The following ATXN2 variants were observed in gnomAD, a reference collection of about 807,000 sequenced individuals.
ATXN2 encodes the protein ataxin-2.
In ATXN2, 37 loss-of-function variants were observed where a neutral mutation model predicts 138.6. The observed-to-expected ratio is 0.27, with a 90% CI of 0.21 to 0.35. The LOEUF (loss-of-function observed/expected upper bound fraction) is 0.35, where lower values mean the gene tolerates loss of function less well. Ranked by LOEUF, ATXN2 falls within the 10% of genes least tolerant of loss-of-function variation. The pLI is 1.00. For missense variants in ATXN2, 1,216 were observed against 1,480.3 expected (o/e 0.82, Z 2.93); for synonymous variants, 549 against 543.7 (o/e 1.01, Z -0.13).
intron 1 of ATXN2, among the ~76,000 whole-genome samples, chr12:111,575,837 A>C (rs1356739195): frequency 6.6e-6 from 1 of 152,060 alleles, no homozygotes; most frequent in Non-Finnish European, 1.5e-5. Flanking sequence ...TAATCCCAGC[A>C]CTTTGGGAGG....
Position 111,456,229 on chromosome 12 carries a change from G to C in ATXN2, c.3070C>G (p.Leu1024Val), listed in dbSNP as rs1349007095. ...TGCTGCTGTGGACTGGCCAGATGGA[G>C]AGCCTGGGCGGCCTGGTGCTGATGG... ...QHHQHQAAQA[L>V]HLASPQQQSA... Residue 1024 changes from leucine to valine, a missense_variant, in exon 23 of 25, where the codon CTC (leucine) becomes GTC (valine). Physicochemically the swap from Leu to Val is conservative, Grantham distance 32 (BLOSUM62 1). This residue lies in a region of ATXN2 where 490 missense variants were observed against 653.5 expected (regional missense o/e 0.75). Coordinates refer to ENST00000673436, the MANE Select transcript of ATXN2 (RefSeq NM_001372574.1). 1.9e-6 allele frequency: 3 copies of C among 1,614,152 alleles called. No individual in the cohort carries two copies. The African/African-American group carries it at 4.0e-5, about 22-fold the overall frequency.
At chr12:111,571,166 T>C (rs954220654) in intron 1 of ATXN2, among the ~76,000 whole-genome samples, 2 of 152,198 alleles carry the variant, frequency 1.3e-5, no homozygotes, top group South Asian at 4.1e-4. Context: ...CGAATACTAA[T>C]TGTAAAGTCC....
intron 5 of ATXN2, among the ~76,000 whole-genome samples, chr12:111,549,921 G>A (rs1453907148): frequency 2.0e-5 from 3 of 151,942 alleles, no homozygotes; most frequent in Non-Finnish European, 4.4e-5. Flanking sequence ...AATTAGCCGG[G>A]CATGGTGGCA....
Position 111,453,587 on chromosome 12 carries a change from G to A in ATXN2, c.3439+90C>T. On this transcript the variant is annotated intron_variant, in intron 24 of 24. Coordinates refer to ENST00000673436, the MANE Select transcript of ATXN2 (RefSeq NM_001372574.1). This position sits in a 1 kb window ranked among gnomAD's most constrained non-coding sequence, Gnocchi z 5.4. Reference sequence around the variant, plus strand: ...GGGTCTTGCTAGTTCTCAAATGCGGGGCTTGAAGCACTGGCCCTGCCTGCC... The same window carrying A: ...GGGTCTTGCTAGTTCTCAAATGCGGAGCTTGAAGCACTGGCCCTGCCTGCC... 1 of 1,456,670 alleles carries A rather than the reference G, an allele frequency of 6.9e-7. No individual in the cohort carries two copies. Among genetic ancestry groups the A allele is most frequent in the Non-Finnish European group, 9.1e-7 (1 of 1,101,996 alleles). The allele number at this position is 1,456,670 out of a possible 1,614,324, so 90.2% of individuals were successfully genotyped here.
intron 8 of ATXN2, among the ~76,000 whole-genome samples, chr12:111,519,515 T>C (rs1228892080): frequency 6.6e-6 from 1 of 152,212 alleles, no homozygotes. Flanking sequence ...ACTCTACAGG[T>C]TATGCTAGCT....
In ATXN2 at chr12:111,519,980, T is replaced by G; in HGVS notation, c.885A>C (p.Lys295Asn). ...CATCATTTTCCAGGGCCACTCGAGCTTTGTACTGGGCACTTGACTCAATTT... is the reference window on the plus strand; with the variant it reads ...CATCATTTTCCAGGGCCACTCGAGCGTTGTACTGGGCACTTGACTCAATTT... ...AEEIESSAQY[K>N]ARVALENDDR... is the part of the protein sequence containing the mutation. Residue 295 changes from lysine (K) to asparagine (N), a missense_variant, in exon 8 of 25, where the codon AAA becomes AAC. By Grantham distance (94) the Lys-to-Asn change is moderately conservative. Transcript: ENST00000673436. 6.2e-7 allele frequency: 1 copy of G among 1,614,184 alleles called. No homozygotes were observed. The highest frequency in any genetic ancestry group is 1.3e-5 in the African/African-American group (1 of 75,058).
chr12:111,490,435 G>A (rs1421508706), intron 14 of ATXN2, among the ~76,000 whole-genome samples: 1 of 152,056 alleles, frequency 6.6e-6, no homozygotes, highest in Admixed American at 6.6e-5. Context: ...GCTGGGCCTA[G>A]TCAGCTTGGA....
At position 111,552,205 on chromosome 12, in the gene ATXN2, G is replaced by C; in HGVS notation, c.571+75C>G. 6.9e-7 allele frequency: 1 copy of C among 1,448,490 alleles called. No individual in the cohort carries two copies. Among genetic ancestry groups the C allele is most frequent in the African/African-American group, 1.5e-5 (1 of 68,400 alleles). 89.7% of individuals were successfully genotyped at this position (1,448,490 alleles called of 1,614,324 possible). A position where few individuals can be genotyped will look rare whatever the true frequency, so the allele number is the denominator to read the frequency against. On this transcript the variant is annotated intron_variant, in intron 5 of 24. Transcript: ENST00000673436. This position sits in a 1 kb window ranked among gnomAD's most constrained non-coding sequence, Gnocchi z 4.1. ...CCAGATATTTCTTTAAAAAAAGTTT[G>C]TAAGATCACTGTGAAAATCTTTGCT... is the stretch of plus-strand genomic sequence containing the variant.
At chr12:111,513,671 A>AT in intron 10 of ATXN2, 132 bp from the exon 11 acceptor site, 60 of 723,428 alleles carry the variant, frequency 8.3e-5, no homozygotes, top group Non-Finnish European at 8.9e-5. Flanking sequence ...GGTTAAAAAT[A>AT]GAAAAAAAAA....
At chr12:111,561,813 G>T (rs546008140) in intron 1 of ATXN2, among the ~76,000 whole-genome samples, 4 of 151,710 alleles carry the variant, frequency 2.6e-5, no homozygotes, top group African/African-American at 9.7e-5. Context: ...GCAAGACTCC[G>T]TCTTTCTGTT....
At position 111,478,869 on chromosome 12, in the gene ATXN2, C is replaced by T. The variant is rs757018929; in HGVS notation, c.2524+6396G>A. On this transcript the variant is annotated intron_variant, in intron 18 of 24. Transcript: ENST00000673436. ...TAAAAATACAAAAAAATTAGCCAGG[C>T]ATGGTGGTGCGCGCCTGTAATCCCA... 7.9e-5 allele frequency among the ~76,000 whole-genome samples: 12 copies of T among 151,622 alleles called. No individual in the cohort carries two copies. In the East Asian group the frequency reaches 2.4e-3, roughly 30 times the overall value.
At chr12:111,503,765 T>C (rs191206673) in intron 14 of ATXN2, among the ~76,000 whole-genome samples, 1 of 152,160 alleles carries the variant, frequency 6.6e-6, no homozygotes, top group Admixed American at 6.6e-5. Flanking sequence ...AATTTATATA[T>C]TTTTAATAAA....
At chr12:111,567,730 C>T (rs1883093524) in intron 1 of ATXN2, among the ~76,000 whole-genome samples, 1 of 151,892 alleles carries the variant, frequency 6.6e-6, no homozygotes, top group Non-Finnish European at 1.5e-5. Context: ...AAGAGAATCG[C>T]TTCAACTCAG....
intron 14 of ATXN2, among the ~76,000 whole-genome samples, chr12:111,494,438 T>C (rs1471920567): frequency 6.6e-6 from 1 of 151,020 alleles, no homozygotes; most frequent in Non-Finnish European, 1.5e-5. Flanking sequence ...TTTTTTTTTT[T>C]TTTTTGAGAC....
rs577404889 is a variant in ATXN2, at chr12:111,500,237, A to G, written c.1935+9312T>C. Among the ~76,000 whole-genome samples the G allele has an allele frequency of 2.6e-5, 4 of 152,364 alleles. No homozygotes were observed. The East Asian group carries it at 7.7e-4, about 29-fold the overall frequency. ...CGTGTCCACTGACAGACAAATGGAG[A>G]AAGAAAATGTGGTATATATACACAA... On this transcript the variant is annotated intron_variant, in intron 14 of 24. Transcript: ENST00000673436.
chr12:111,481,773 T>G (rs1877257645), intron 18 of ATXN2, among the ~76,000 whole-genome samples: 1 of 152,098 alleles, frequency 6.6e-6, no homozygotes, highest in Non-Finnish European at 1.5e-5. Flanking sequence ...CTGATGCTCC[T>G]GCCTCAGCCT....
intron 23 of ATXN2, chr12:111,455,066 G>C: frequency 2.8e-6 from 2 of 703,036 alleles, no homozygotes; most frequent in East Asian, 5.4e-5. Flanking sequence ...CTGAGAGATA[G>C]ATCCAACTGA....
Position 111,598,984 on chromosome 12 carries a change from C to T in ATXN2, c.51G>A (p.Gln17=), listed in dbSNP as rs753950436. The T allele has an allele frequency of 4.1e-6, 6 of 1,448,770 alleles. No homozygotes were observed. The highest frequency in any genetic ancestry group is 4.3e-5 in the Admixed American group (2 of 46,880). The allele number at this position is 1,448,770 out of a possible 1,614,324, so 89.7% of individuals were successfully genotyped here. A position where few individuals can be genotyped will look rare whatever the true frequency, so the allele number is the denominator to read the frequency against. ...GCTGCTGCTGCTGCTGCTGTTGCTG[C>T]TGCTGCTGCTGCTGCTGCTGCTGCT... ...QQQQQQQQQQ[Q]QQQQQQQQQQ... Residue 17 remains glutamine, a synonymous_variant, in exon 1 of 25, where the codon CAG becomes CAA. Coordinates refer to ENST00000673436, the MANE Select transcript of ATXN2 (RefSeq NM_001372574.1). The surrounding 1 kb of genome is among the most constrained non-coding windows in gnomAD (Gnocchi z 4.5).
At chr12:111,479,013 A>T (rs1347851235) in intron 18 of ATXN2, 2 of 306,068 alleles carry the variant, frequency 6.5e-6, no homozygotes, top group Admixed American at 5.0e-5. Context: ...CATCTCAAAA[A>T]AAATAAATAA....
Sources: allele counts gnomAD v4.1 joint callset (sites outside exome capture counted in the v4.1 genomes callset), GRCh38; gene constraint gnomAD v4.1.1; regional missense constraint gnomAD v4.1.1; non-coding constraint Gnocchi (gnomAD v3.1); transcripts MANE v1.5; gene names NCBI Gene and HGNC (gene_info 2026-07-23, HGNC 2026-07-21).